Variants in CCDC57 observed in about 807,000 individuals in gnomAD.
CCDC57 encodes the protein coiled-coil domain-containing protein 57.
CCDC57 carries 118 observed loss-of-function variants against 118.9 expected under a neutral mutation model. The ratio of observed to expected loss-of-function variants is 0.99; its 90% CI spans 0.86 to 1.16. The LOEUF is 1.16. CCDC57 is among the 50% of genes most tolerant of loss of function. The probability of loss-of-function intolerance (pLI) is 0.00; values close to 1 mark genes in which losing one functional copy is unlikely to be tolerated. For synonymous variants in CCDC57, 527 were observed against 532.9 expected, an observed-to-expected ratio of 0.99 and a Z score of 0.15; for missense variants, 1,300 against 1,320.7, an observed-to-expected ratio of 0.98 and a Z score of 0.24.
At chr17:82,181,483 CA>C (rs2046203217) in intron 9 of CCDC57, among the ~76,000 whole-genome samples, 1 of 152,122 alleles carries the variant, frequency 6.6e-6, no homozygotes, top group South Asian at 2.1e-4. Context: ...TGCAGCCAAA[CA>C]AAAAACAGCA....
intron 19 of CCDC57, among the ~76,000 whole-genome samples, chr17:82,116,840 C>T (rs1173765475): frequency 2.6e-5 from 4 of 152,224 alleles, no homozygotes; most frequent in Non-Finnish European, 1.5e-5. Flanking sequence ...GCTTGCAGCC[C>T]TCCCTCTGGT....
In CCDC57 at chr17:82,172,903, T is replaced by C. The variant is rs1599137884; in HGVS notation, c.1507-43A>G. On this transcript the variant is annotated intron_variant, in intron 11 of 19. Transcript: ENST00000665763. This position sits in a 1 kb window ranked among gnomAD's most constrained non-coding sequence, Gnocchi z 5.2. Reference sequence around the variant, plus strand: ...AAATGGCTACAAAAAGATGAATGGTTCCCCAGCTTGTCCTGACAGGCTGTG... The same window carrying C: ...AAATGGCTACAAAAAGATGAATGGTCCCCCAGCTTGTCCTGACAGGCTGTG... The C allele has an allele frequency of 6.5e-7, 1 of 1,545,810 alleles. No homozygotes were observed. The highest frequency in any genetic ancestry group is 8.8e-7 in the Non-Finnish European group (1 of 1,134,172).
chr17:82,132,008 C>T (rs1292654349), intron 17 of CCDC57, among the ~76,000 whole-genome samples: 1 of 150,340 alleles, frequency 6.7e-6, no homozygotes, highest in Admixed American at 6.7e-5. Context: ...ATCCTAGCTA[C>T]TTGGGAGGCT....
intron 13 of CCDC57, among the ~76,000 whole-genome samples, chr17:82,170,160 A>AG (rs1160195407): frequency 1.3e-5 from 2 of 152,086 alleles, no homozygotes; most frequent in East Asian, 3.9e-4. Flanking sequence ...GCCTCTGAGG[A>AG]GGCAGCTAAG....
At chr17:82,154,723 G>T (rs6502069) in intron 15 of CCDC57, 69,980 of 149,400 alleles carry the variant, frequency 0.47, 16,915 homozygotes, top group East Asian at 0.88. Context: ...CCCTGACGCC[G>T]TCTCTCCTGT....
intron 15 of CCDC57, chr17:82,156,341 C>T (rs1352343622): frequency 6.6e-6 from 1 of 152,124 alleles, no homozygotes; most frequent in African/African-American, 2.4e-5. Context: ...AATTCTTGCC[C>T]CTTCATTCTA....
intron 19 of CCDC57, among the ~76,000 whole-genome samples, chr17:82,120,445 G>A (rs948468448): frequency 6.6e-6 from 1 of 152,224 alleles, no homozygotes; most frequent in African/African-American, 2.4e-5. Context: ...GCCGAGCTGC[G>A]CTCTGTCCTA....
At chr17:82,166,649 T>A (rs2044023261) in intron 13 of CCDC57, among the ~76,000 whole-genome samples, 1 of 152,038 alleles carries the variant, frequency 6.6e-6, no homozygotes, top group East Asian at 1.9e-4. Flanking sequence ...GGCTCATGCC[T>A]GTAATCCAAA....
chr17:82,110,584 C>T (rs991909298), intron 19 of CCDC57, among the ~76,000 whole-genome samples: 7 of 152,232 alleles, frequency 4.6e-5, no homozygotes, highest in African/African-American at 1.7e-4. Context: ...AGAATCTCAT[C>T]ATACCAGGCC....
At chr17:82,193,283 C>G (rs1016043222) in intron 7 of CCDC57, among the ~76,000 whole-genome samples, 14 of 151,978 alleles carry the variant, frequency 9.2e-5, no homozygotes, top group African/African-American at 3.4e-4. Flanking sequence ...GCGGCTCATG[C>G]CTATAATCGC....
rs545481105 is a variant in CCDC57 at position 82,172,732 on chromosome 17, T to C, written c.1635A>G (p.Leu545=). Residue 545 remains leucine (L), a synonymous_variant, in exon 12 of 20, where the codon CTA becomes CTG. Transcript: ENST00000665763. The surrounding 1 kb of genome is among the most constrained non-coding windows in gnomAD (Gnocchi z 5.2). ...GGATGGGAGGAGGAATCTGATGGCT[T>C]AGAGCCTCCATTTCTTTCCTCATCT... is the stretch of plus-strand genomic sequence containing the variant. 6.2e-7 allele frequency: 1 copy of C among 1,600,678 alleles called. No individual in the cohort carries two copies. The highest frequency in any genetic ancestry group is 2.2e-5 in the East Asian group (1 of 44,534).
chr17:82,116,110 T>TTC (rs1239893557), intron 19 of CCDC57, among the ~76,000 whole-genome samples: 6 of 150,904 alleles, frequency 4.0e-5, no homozygotes, highest in African/African-American at 1.5e-4. Flanking sequence ...ACCTTTTTTT[T>TTC]TTTTTTTTTT....
At chr17:82,145,803 T>C (rs774050349) in intron 16 of CCDC57, 1 of 466,280 alleles carries the variant, frequency 2.1e-6, no homozygotes, top group African/African-American at 2.0e-5. Context: ...CGGAACCCTG[T>C]AGCAGGCAGG....
chr17:82,160,013 T>A (rs1434573856), intron 14 of CCDC57: 4 of 147,584 alleles, frequency 2.7e-5, no homozygotes, highest in South Asian at 4.3e-4. Context: ...TTAGGAAGAT[T>A]AAAAAAAAAA....
intron 14 of CCDC57, among the ~76,000 whole-genome samples, chr17:82,161,490 G>A (rs930469533): frequency 6.6e-6 from 1 of 152,130 alleles, no homozygotes; most frequent in African/African-American, 2.4e-5. Context: ...AATCCAAACA[G>A]CGGAAACAAC....
chr17:82,172,943 G>GC lies in CCDC57; in HGVS notation c.1507-84dup, dbSNP rs1200125929. 3 of 1,312,174 alleles carry GC rather than the reference G, an allele frequency of 2.3e-6. No individual in the cohort carries two copies. Among genetic ancestry groups the GC allele is most frequent in the African/African-American group, 1.5e-5 (1 of 68,534 alleles). The allele number at this position is 1,312,174 out of a possible 1,614,324, so 81.3% of individuals were successfully genotyped here. On this transcript the variant is annotated intron_variant, in intron 11 of 19. Coordinates refer to ENST00000665763, the Ensembl canonical transcript of CCDC57. The surrounding 1 kb of genome is among the most constrained non-coding windows in gnomAD (Gnocchi z 5.2). ...GACAGGCTGTGCCTCCGCTCTCCCC[G>GC]CGCCCCTCTCGGGCCGGTCCCCCGC...
chr17:82,181,902 G>C (rs1349586700), intron 9 of CCDC57, among the ~76,000 whole-genome samples: 1 of 152,194 alleles, frequency 6.6e-6, no homozygotes, highest in Non-Finnish European at 1.5e-5. Context: ...TGGATCACCT[G>C]AAGTCAGGAG....
chr17:82,179,879 A>G (rs962914851), intron 9 of CCDC57, among the ~76,000 whole-genome samples: 3 of 152,248 alleles, frequency 2.0e-5, no homozygotes, highest in Non-Finnish European at 4.4e-5. Flanking sequence ...TACAAGGAAA[A>G]AAGAACAAGA....
At chr17:82,178,256 G>C (rs970481302) in intron 11 of CCDC57, among the ~76,000 whole-genome samples, 1 of 152,168 alleles carries the variant, frequency 6.6e-6, no homozygotes, top group Admixed American at 6.5e-5. Flanking sequence ...ATGTGGATTT[G>C]GGACTTTTAA....
Sources: gnomAD v4.1 joint callset for allele counts (sites outside exome capture counted in the v4.1 genomes callset) on GRCh38, gnomAD v4.1.1 for gene constraint, Gnocchi (gnomAD v3.1) non-coding constraint, MANE v1.5 for transcripts, NCBI Gene and HGNC (gene_info 2026-07-23, HGNC 2026-07-21) for gene names.